SNX29: variants seen among roughly 807,000 people sequenced by gnomAD.
SNX29 encodes the protein sorting nexin-29.
A neutral mutation model predicts 102.1 loss-of-function variants in SNX29; 78 were observed. The observed-to-expected ratio is 0.76, with a 90% CI of 0.64 to 0.92. The LOEUF is 0.92. Among genes scored for constraint, SNX29 ranks in the 40% least tolerant of loss-of-function variants. The pLI is 0.00. For missense variants in SNX29, 1,280 were observed against 1,061.7 expected, an observed-to-expected ratio of 1.21 and a Z score of -2.86; for synonymous variants, 580 against 414.5, an observed-to-expected ratio of 1.40 and a Z score of -4.85.
At chr16:12,004,954 T>C (rs2056406841) in intron 3 of SNX29, among the ~76,000 whole-genome samples, 1 of 152,230 alleles carries the variant, frequency 6.6e-6, no homozygotes, top group Admixed American at 6.5e-5. Context: ...TGTTTACAGA[T>C]GTTTCTCTAG....
At position 12,572,985 on chromosome 16, in the gene SNX29, AATTC is replaced by A. The variant is rs1329201511; in HGVS notation, c.*4360_*4363del. On this transcript the variant is annotated 3_prime_UTR_variant, in exon 21 of 21. Coordinates refer to ENST00000566228, the MANE Select transcript of SNX29 (RefSeq NM_032167.5). ...AAGATTTTTCAAAATATTGTGCATTAATTCATTAAAGCTACTGTTAAATATTTGC... is the reference window on the plus strand; with the variant it reads ...AAGATTTTTCAAAATATTGTGCATTAATTAAAGCTACTGTTAAATATTTGC... 1 of 410,852 alleles carries A rather than the reference AATTC, an allele frequency of 2.4e-6. No homozygotes were observed. The highest frequency in any genetic ancestry group is 2.1e-5 in the African/African-American group (1 of 48,400). The allele number at this position is 410,852 out of a possible 1,614,324, so 25.5% of individuals were successfully genotyped here.
At chr16:12,440,715 G>C (rs140645262) in intron 18 of SNX29, among the ~76,000 whole-genome samples, 90 of 152,022 alleles carry the variant, frequency 5.9e-4, no homozygotes, top group Non-Finnish European at 1.1e-3. Flanking sequence ...TTCTGTGTTA[G>C]TTTGATAAGG....
chr16:12,564,403 A>G (rs939884773), intron 20 of SNX29, among the ~76,000 whole-genome samples: 7 of 151,894 alleles, frequency 4.6e-5, no homozygotes, highest in East Asian at 1.9e-4. Flanking sequence ...ATATGCATCA[A>G]TGATGTATGA....
intron 13 of SNX29, among the ~76,000 whole-genome samples, chr16:12,159,369 A>G (rs1222701404): frequency 6.6e-6 from 1 of 152,200 alleles, no homozygotes; most frequent in Non-Finnish European, 1.5e-5. Context: ...TAGCAATCCC[A>G]GTATTGAGTA....
chr16:12,158,456 T>C (rs2055647737), intron 13 of SNX29, among the ~76,000 whole-genome samples: 1 of 152,188 alleles, frequency 6.6e-6, no homozygotes, highest in Non-Finnish European at 1.5e-5. Flanking sequence ...CACCTCGGCC[T>C]CCCAAAGTGC....
At chr16:12,193,326 C>G (rs755647062) in intron 13 of SNX29, among the ~76,000 whole-genome samples, 1 of 151,890 alleles carries the variant, frequency 6.6e-6, no homozygotes, top group African/African-American at 2.4e-5. Context: ...AACAATTAGC[C>G]GGGCCTAGTG....
intron 19 of SNX29, among the ~76,000 whole-genome samples, chr16:12,492,939 T>C (rs1471952413): frequency 6.6e-6 from 1 of 152,250 alleles, no homozygotes; most frequent in Non-Finnish European, 1.5e-5. Flanking sequence ...TGTAGCCTTG[T>C]AGTATAGTTT....
At chr16:12,335,888 T>C (rs1215122439) in intron 15 of SNX29, among the ~76,000 whole-genome samples, 1 of 151,878 alleles carries the variant, frequency 6.6e-6, no homozygotes, top group African/African-American at 2.4e-5. Context: ...CTCAAGCTCA[T>C]GTGGCTCATC....
chr16:12,164,837 A>T (rs1319024181), intron 13 of SNX29, among the ~76,000 whole-genome samples: 1 of 151,830 alleles, frequency 6.6e-6, no homozygotes, highest in Non-Finnish European at 1.5e-5. Flanking sequence ...ACAGGTGCCC[A>T]CCACCATGCC....
intron 15 of SNX29, among the ~76,000 whole-genome samples, chr16:12,348,236 C>A (rs1314372538): frequency 6.6e-6 from 1 of 152,156 alleles, no homozygotes; most frequent in Non-Finnish European, 1.5e-5. Context: ...CTGCCAGTCT[C>A]CTGGAATGTC....
Position 12,140,087 on chromosome 16 carries a change from C to T in SNX29, c.1595+10329C>T, listed in dbSNP as rs11075055. Reference sequence around the variant, plus strand: ...TGCCTAAGAAAAAGAGCAGTTGATTCGCTCATGAAACTTAAACCTACAGGA... The same window carrying T: ...TGCCTAAGAAAAAGAGCAGTTGATTTGCTCATGAAACTTAAACCTACAGGA... On this transcript the variant is annotated intron_variant, in intron 13 of 20. Transcript: ENST00000566228. Among the ~76,000 whole-genome samples, 99 of 151,538 alleles carry T rather than the reference C, an allele frequency of 6.5e-4. 2 individuals are homozygous for T. The East Asian group carries it at 0.015, about 22-fold the overall frequency.
chr16:12,509,427 C>G (rs578026831), intron 19 of SNX29, among the ~76,000 whole-genome samples: 128 of 152,284 alleles, frequency 8.4e-4, no homozygotes, highest in Non-Finnish European at 1.5e-3. Flanking sequence ...TCTGAGAGCA[C>G]TGGGAATTCC....
chr16:12,292,337 A>G (rs1336037173), intron 15 of SNX29, among the ~76,000 whole-genome samples: 1 of 152,194 alleles, frequency 6.6e-6, no homozygotes, highest in Non-Finnish European at 1.5e-5. Context: ...TTCAGATGCT[A>G]CAATTAATGT....
intron 15 of SNX29, among the ~76,000 whole-genome samples, chr16:12,302,472 G>A (rs75360668): frequency 6.6e-6 from 1 of 152,192 alleles, no homozygotes; most frequent in Non-Finnish European, 1.5e-5. Flanking sequence ...TGAAGGCCAA[G>A]GTCAAGGCAG....
chr16:12,568,447 C>T lies in SNX29; in HGVS notation c.2319-59C>T, dbSNP rs1162204297. ...CCTCACACCTGGCTCCCCTTCCTGG[C>T]CTGTGGTCATTTGCTTTTCATCCCC... On this transcript the variant is annotated intron_variant, in intron 20 of 20. Coordinates refer to ENST00000566228, the MANE Select transcript of SNX29 (RefSeq NM_032167.5). 56 of 1,596,256 alleles carry T rather than the reference C, an allele frequency of 3.5e-5. No individual in the cohort carries two copies. The East Asian group carries it at 8.9e-4, about 25-fold the overall frequency.
At chr16:12,306,173 G>T (rs552560867) in intron 15 of SNX29, among the ~76,000 whole-genome samples, 11 of 151,958 alleles carry the variant, frequency 7.2e-5, no homozygotes, top group Non-Finnish European at 1.6e-4. Flanking sequence ...TTTTATTTTA[G>T]CAATGGATTT....
At chr16:12,012,911 G>A (rs1396271380) in intron 3 of SNX29, among the ~76,000 whole-genome samples, 1 of 151,912 alleles carries the variant, frequency 6.6e-6, no homozygotes, top group Non-Finnish European at 1.5e-5. Flanking sequence ...TGTACCTACA[G>A]CGTAGTATGG....
chr16:12,039,102 A>G (rs2057558112), intron 4 of SNX29, among the ~76,000 whole-genome samples: 3 of 152,308 alleles, frequency 2.0e-5, no homozygotes, highest in African/African-American at 7.2e-5. Flanking sequence ...GATTGGCTTG[A>G]TCCACAAATA....
chr16:12,329,287 A>AAG, intron 15 of SNX29, among the ~76,000 whole-genome samples: 1 of 151,164 alleles, frequency 6.6e-6, no homozygotes, highest in East Asian at 1.9e-4. Flanking sequence ...AAAAAAAAAA[A>AAG]AAAAAAAAGT....
Sources: gnomAD v4.1 joint callset for allele counts (sites outside exome capture counted in the v4.1 genomes callset) on GRCh38, gnomAD v4.1.1 for gene constraint, MANE v1.5 for transcripts, NCBI Gene and HGNC (gene_info 2026-07-23, HGNC 2026-07-21) for gene names.